Variants in ZNF804B observed in about 807,000 individuals in gnomAD.
The protein encoded by ZNF804B is zinc finger protein 804B.
A neutral mutation model predicts 101.4 loss-of-function variants in ZNF804B; 80 were observed. The observed-to-expected ratio is 0.79, with a 90% CI of 0.66 to 0.95. ZNF804B has a LOEUF of 0.95. Ranked by LOEUF, ZNF804B falls within the 40% of genes least tolerant of loss-of-function variation. The probability of loss-of-function intolerance (pLI) is 0.00; values close to 1 mark genes in which losing one functional copy is unlikely to be tolerated. For synonymous variants in ZNF804B, 622 were observed against 558.8 expected (o/e 1.11, Z -1.59); for missense variants, 1,673 against 1,561.9 (o/e 1.07, Z -1.20).
chr7:89,042,913 T>C (rs1260727925), intron 1 of ZNF804B, among the ~76,000 whole-genome samples: 1 of 152,178 alleles, frequency 6.6e-6, no homozygotes, highest in Non-Finnish European at 1.5e-5. Flanking sequence ...CTACAGGTAA[T>C]GAAATAATGC....
At chr7:89,201,497 T>G (rs1407755422) in intron 1 of ZNF804B, among the ~76,000 whole-genome samples, 1 of 151,884 alleles carries the variant, frequency 6.6e-6, no homozygotes, top group Non-Finnish European at 1.5e-5. Flanking sequence ...GGTTGATTGG[T>G]CCACCAAAAG....
intron 1 of ZNF804B, among the ~76,000 whole-genome samples, chr7:88,786,278 G>C (rs74321264): frequency 6.6e-6 from 1 of 152,186 alleles, no homozygotes; most frequent in African/African-American, 2.4e-5. Context: ...CAGTGAATTT[G>C]GGGAGAGCTA....
At chr7:89,276,603 A>T (rs1789985022) in intron 2 of ZNF804B, among the ~76,000 whole-genome samples, 1 of 151,966 alleles carries the variant, frequency 6.6e-6, no homozygotes, top group South Asian at 2.1e-4. Context: ...TTCAAAGGGA[A>T]CATTTAACTA....
intron 3 of ZNF804B, among the ~76,000 whole-genome samples, chr7:89,333,069 A>G (rs1467424752): frequency 1.3e-5 from 2 of 152,114 alleles, no homozygotes; most frequent in Non-Finnish European, 1.5e-5. Flanking sequence ...AAAGATTGAT[A>G]GATTCTATAG....
chr7:89,141,046 A>G (rs1790709096), intron 1 of ZNF804B, among the ~76,000 whole-genome samples: 1 of 152,008 alleles, frequency 6.6e-6, no homozygotes, highest in Admixed American at 6.6e-5. Flanking sequence ...TTATATCCCC[A>G]GGAATAGGAG....
intron 1 of ZNF804B, among the ~76,000 whole-genome samples, chr7:89,081,751 A>G (rs892557692): frequency 6.6e-6 from 1 of 151,732 alleles, no homozygotes. Context: ...TCCCATGTCT[A>G]TTGACCAAAT....
chr7:89,221,969 T>G (rs968167501), intron 2 of ZNF804B, among the ~76,000 whole-genome samples: 2 of 151,952 alleles, frequency 1.3e-5, no homozygotes, highest in Non-Finnish European at 2.9e-5. Flanking sequence ...GATCTTGTGA[T>G]ACATTAATTT....
chr7:89,016,672 G>C (rs1426489112), intron 1 of ZNF804B, among the ~76,000 whole-genome samples: 1 of 151,842 alleles, frequency 6.6e-6, no homozygotes, highest in East Asian at 1.9e-4. Context: ...ATTTCTGAGG[G>C]CTCTGTTCTG....
chr7:89,278,271 T>A (rs577663081), intron 2 of ZNF804B, among the ~76,000 whole-genome samples: 1 of 152,122 alleles, frequency 6.6e-6, no homozygotes, highest in East Asian at 1.9e-4. Flanking sequence ...GATGAGTAGG[T>A]TGTGAAAAAT....
At chr7:89,317,628 A>T (rs1284423695) in intron 2 of ZNF804B, among the ~76,000 whole-genome samples, 1 of 152,228 alleles carries the variant, frequency 6.6e-6, no homozygotes, top group East Asian at 1.9e-4. Context: ...AGCTGGCTAG[A>T]GTAGAGGAAA....
In ZNF804B at chr7:89,333,853, G is replaced by GT; in HGVS notation, c.875dup (p.Leu292PhefsTer10). On this transcript the variant is annotated frameshift_variant, in exon 4 of 4. Coordinates refer to ENST00000333190, the MANE Select transcript of ZNF804B (RefSeq NM_181646.5). LOFTEE classifies it high-confidence loss of function. ...TATCTCACCAAGCCATCTGGAAAGT[G>GT]TTTTACACAATACCATCTCCATAAA... 7.3e-7 allele frequency: 1 copy of GT among 1,372,230 alleles called. No homozygotes were observed. The highest frequency in any genetic ancestry group is 9.8e-7 in the Non-Finnish European group (1 of 1,024,602). 85.0% of individuals were successfully genotyped at this position (1,372,230 alleles called of 1,614,324 possible).
intron 2 of ZNF804B, among the ~76,000 whole-genome samples, chr7:89,293,141 T>C (rs1562938980): frequency 6.6e-6 from 1 of 152,086 alleles, no homozygotes; most frequent in Non-Finnish European, 1.5e-5. Flanking sequence ...GATTTGGAAG[T>C]TATATATCAT....
intron 2 of ZNF804B, among the ~76,000 whole-genome samples, chr7:89,297,241 C>T (rs562876075): frequency 2.0e-4 from 30 of 152,008 alleles, no homozygotes; most frequent in Admixed American, 1.1e-3. Context: ...CATGCTGTCC[C>T]GGAGTAGCAA....
chr7:88,891,318 T>C (rs1792210416), intron 1 of ZNF804B, among the ~76,000 whole-genome samples: 1 of 152,162 alleles, frequency 6.6e-6, no homozygotes, highest in East Asian at 1.9e-4. Flanking sequence ...TGAATGGAAA[T>C]TTTAATCACT....
chr7:88,818,258 G>GA (rs1246594218), intron 1 of ZNF804B, among the ~76,000 whole-genome samples: 1 of 151,960 alleles, frequency 6.6e-6, no homozygotes, highest in Non-Finnish European at 1.5e-5. Context: ...CATTATACTT[G>GA]AAAAAATATC....
chr7:88,888,385 C>G (rs1178170239), intron 1 of ZNF804B, among the ~76,000 whole-genome samples: 1 of 152,064 alleles, frequency 6.6e-6, no homozygotes, highest in Non-Finnish European at 1.5e-5. Context: ...GAGGGAGAGT[C>G]TGCCTCAAAA....
intron 2 of ZNF804B, among the ~76,000 whole-genome samples, chr7:89,295,990 G>A (rs1790376210): frequency 6.6e-6 from 1 of 152,088 alleles, no homozygotes; most frequent in African/African-American, 2.4e-5. Context: ...GGACTTTAGA[G>A]ACTCGGAAGG....
At chr7:88,950,660 A>G (rs1161661482) in intron 1 of ZNF804B, among the ~76,000 whole-genome samples, 2 of 144,268 alleles carry the variant, frequency 1.4e-5, no homozygotes, top group African/African-American at 5.2e-5. Context: ...TATAGAAAAT[A>G]TGTTTTTTTT....
intron 2 of ZNF804B, among the ~76,000 whole-genome samples, chr7:89,261,056 G>A (rs1022818723): frequency 6.6e-6 from 1 of 152,146 alleles, no homozygotes. Flanking sequence ...ACTGTTACAA[G>A]GGCATTTTAA....
Sources: allele counts gnomAD v4.1 joint callset (sites outside exome capture counted in the v4.1 genomes callset), GRCh38; gene constraint gnomAD v4.1.1; transcripts MANE v1.5; gene names NCBI Gene and HGNC (gene_info 2026-07-23, HGNC 2026-07-21).